The following ACTB variants were observed in gnomAD, a reference collection of about 807,000 sequenced individuals.
ACTB encodes the protein actin beta.
ACTB carries 2 observed loss-of-function variants against 30.5 expected under a neutral mutation model. The ratio of observed to expected loss-of-function variants is 0.07; its 90% CI spans 0.03 to 0.21. The LOEUF (loss-of-function observed/expected upper bound fraction) is 0.21. Among genes scored for constraint, ACTB ranks in the 10% least tolerant of loss-of-function variants. ACTB has a pLI of 1.00. For missense variants in ACTB, 56 were observed against 530.0 expected, an observed-to-expected ratio of 0.11 and a Z score of 8.78; for synonymous variants, 335 against 217.6, an observed-to-expected ratio of 1.54 and a Z score of -4.75.
chr7:5,528,790 G>A (rs1784818811), intron 3 of ACTB, 71 bp from the exon 4 acceptor site: 6 of 1,553,812 alleles, frequency 3.9e-6, no homozygotes, highest in Middle Eastern at 1.7e-4. Flanking sequence ...CGGGGGACAT[G>A]CAGAAAGTGC....
At position 5,528,495 on chromosome 7, in the gene ACTB, G is replaced by A. The variant is rs1184848861; in HGVS notation, c.588C>T (p.Arg196=). 3.8e-5 allele frequency: 62 copies of A among 1,614,092 alleles called. No individual in the cohort carries two copies. The East Asian group carries it at 1.2e-3, about 31-fold the overall frequency. ...CGGCCGTGGTGGTGAAGCTGTAGCC[G>A]CGCTCGGTGAGGATCTTCATGAGGT... The part of the protein sequence containing the change: ...TDYLMKILTE[R]GYSFTTTAER... The change falls in exon 4 of 6, where the codon CGC becomes CGT. Residue 196 remains arginine (R), a synonymous_variant. Coordinates refer to ENST00000646664, the MANE Select transcript of ACTB (RefSeq NM_001101.5).
At position 5,527,373 on chromosome 7, in the gene ACTB, G is replaced by A. The variant is rs1166080296; in HGVS notation, c.*375C>T. The A allele has an allele frequency of 4.1e-5, 12 of 295,512 alleles. No individual in the cohort carries two copies. Among genetic ancestry groups the A allele is most frequent in the African/African-American group, 8.9e-5 (4 of 44,980 alleles). The allele number at this position is 295,512 out of a possible 1,614,324, so 18.3% of individuals were successfully genotyped here. ...AAATTTTGCATTACATAATTTACAC[G>A]AAAGCAATGCTATCACCTCCCCTGT... On this transcript the variant is annotated 3_prime_UTR_variant, in exon 6 of 6. Transcript: ENST00000646664.
intron 3 of ACTB, 186 bp downstream of exon 3, chr7:5,528,973 GAC>G (rs1562719494): frequency 1.3e-6 from 2 of 1,569,304 alleles, no homozygotes. Context: ...TAGTCAGAGA[GAC>G]AAACACCAGA....
At position 5,527,891 on chromosome 7, in the gene ACTB, T is replaced by C; in HGVS notation, c.985A>G (p.Ile329Val). 6.2e-7 allele frequency: 1 copy of C among 1,613,876 alleles called. No homozygotes were observed. Among genetic ancestry groups the C allele is most frequent in the Non-Finnish European group, 8.5e-7 (1 of 1,179,884 alleles). The change falls in exon 6 of 6, where the codon ATC (isoleucine) becomes GTC (valine). Residue 329 changes from isoleucine to valine, a missense_variant and splice_region_variant. Transcript: ENST00000646664. The stretch of plus-strand genomic sequence containing the variant: ...TACTTGCGCTCAGGAGGAGCAATGA[T>C]CTGAGGAGGGAAGGGGACAGGCAGT... The part of the protein sequence containing the change: ...ALAPSTMKIK[I>V]IAPPERKYSV...
At position 5,527,583 on chromosome 7, in the gene ACTB, G is replaced by A. The variant is rs1296196209; in HGVS notation, c.*165C>T. ...GGGATGCTCGCTCCAACCGACTGCTGTCACCTTCACCGTTCCAGTTTTTAA... is the reference window on the plus strand; with the variant it reads ...GGGATGCTCGCTCCAACCGACTGCTATCACCTTCACCGTTCCAGTTTTTAA... On this transcript the variant is annotated 3_prime_UTR_variant, in exon 6 of 6. Coordinates refer to ENST00000646664, the MANE Select transcript of ACTB (RefSeq NM_001101.5). The A allele has an allele frequency of 9.5e-6, 11 of 1,155,066 alleles. No individual in the cohort carries two copies. Among genetic ancestry groups the A allele is most frequent in the South Asian group, 7.3e-5 (5 of 68,960 alleles). 71.6% of individuals were successfully genotyped at this position (1,155,066 alleles called of 1,614,324 possible). A position where few individuals can be genotyped will look rare whatever the true frequency, so the allele number is the denominator to read the frequency against.
In ACTB at chr7:5,527,595, G is replaced by C; in HGVS notation, c.*153C>G. 1.6e-6 allele frequency: 2 copies of C among 1,262,950 alleles called. No individual in the cohort carries two copies. The highest frequency in any genetic ancestry group is 2.2e-6 in the Non-Finnish European group (2 of 911,718). 78.2% of individuals were successfully genotyped at this position (1,262,950 alleles called of 1,614,324 possible). A position where few individuals can be genotyped will look rare whatever the true frequency, so the allele number is the denominator to read the frequency against. On this transcript the variant is annotated 3_prime_UTR_variant, in exon 6 of 6. Coordinates refer to ENST00000646664, the MANE Select transcript of ACTB (RefSeq NM_001101.5). ...CCAACCGACTGCTGTCACCTTCACC[G>C]TTCCAGTTTTTAAATCCTGAGTCAA...
At position 5,529,402 on chromosome 7, in the gene ACTB, TG is replaced by T; in HGVS notation, c.124-3del. The T allele has an allele frequency of 6.2e-7, 1 of 1,613,862 alleles. No individual in the cohort carries two copies. The highest frequency in any genetic ancestry group is 2.2e-5 in the East Asian group (1 of 44,854). ...CTGACCCATGCCCACCATCACGCCC[TG>T]GGAAGGAAAGGACAAGAAGCCCTGA... On this transcript the variant is annotated splice_polypyrimidine_tract_variant and splice_region_variant and intron_variant, in intron 2 of 5. Coordinates refer to ENST00000646664, the MANE Select transcript of ACTB (RefSeq NM_001101.5).
At chr7:5,529,112 G>A (rs1486115810) in intron 3 of ACTB, 49 bp downstream of exon 3, 10 of 1,613,490 alleles carry the variant, frequency 6.2e-6, no homozygotes, top group Admixed American at 5.0e-5. Context: ...AGCTCCGGGA[G>A]GCCAGGAAGG....
At position 5,527,723 on chromosome 7, in the gene ACTB, G is replaced by A. The variant is rs528042634; in HGVS notation, c.*25C>T. 1.9e-6 allele frequency: 3 copies of A among 1,612,924 alleles called. No homozygotes were observed. The African/African-American group carries it at 4.0e-5, about 22-fold the overall frequency. On this transcript the variant is annotated 3_prime_UTR_variant, in exon 6 of 6. Transcript: ENST00000646664. ...AAGTTAGGTTTTGTCAAGAAAGGGT[G>A]TAACGCAACTAAGTCATAGTCCGCC...
chr7:5,529,042 A>C, intron 3 of ACTB, 119 bp downstream of exon 3: 1 of 1,612,784 alleles, frequency 6.2e-7, no homozygotes, highest in Non-Finnish European at 8.5e-7. Context: ...AAGGAGACTC[A>C]GGTCAGAGAA....
rs1403250934 is a variant in ACTB, at chr7:5,528,354, A to G, written c.729T>C (p.Pro243=). The G allele has an allele frequency of 1.9e-6, 3 of 1,614,172 alleles. No individual in the cohort carries two copies. The highest frequency in any genetic ancestry group is 1.7e-6 in the Non-Finnish European group (2 of 1,180,044). Residue 243 remains proline (P), a synonymous_variant, in exon 4 of 6, where the codon CCT becomes CCC. Transcript: ENST00000646664. ...SSSLEKSYEL[P]DGQVITIGNE... ...TGCCAATGGTGATGACCTGGCCGTC[A>G]GGCAGCTCGTAGCTCTTCTCCAGGG...
In ACTB at chr7:5,527,263, G is replaced by A; in HGVS notation, c.*485C>T. ...AAAGCCTTCATACATCTCAAGTTGG[G>A]GGACAAAAAAGGGGGAAGGGGGGGC... On this transcript the variant is annotated 3_prime_UTR_variant, in exon 6 of 6. Transcript: ENST00000646664. 2 of 242,032 alleles carry A rather than the reference G, an allele frequency of 8.3e-6. No homozygotes were observed. Among genetic ancestry groups the A allele is most frequent in the Non-Finnish European group, 8.2e-6 (1 of 122,042 alleles). 15.0% of individuals were successfully genotyped at this position (242,032 alleles called of 1,614,324 possible).
rs757404770 is a variant in ACTB, at chr7:5,527,991, G to A, written c.984+13C>T. ...GACCTGCCCAGGTCAGCTCAGGCAG[G>A]AAAGACACCCACCTTGATCTTCATT... On this transcript the variant is annotated intron_variant, in intron 5 of 5. Transcript: ENST00000646664. 7 of 1,613,122 alleles carry A rather than the reference G, an allele frequency of 4.3e-6. No individual in the cohort carries two copies. Among genetic ancestry groups the A allele is most frequent in the African/African-American group, 4.0e-5 (3 of 74,922 alleles).
intron 1 of ACTB, chr7:5,529,900 G>T (rs1404744802): frequency 9.7e-6 from 6 of 618,366 alleles, no homozygotes; most frequent in Non-Finnish European, 1.7e-5. Flanking sequence ...CCCCGCCTCC[G>T]CCCGGTTCAA....
chr7:5,528,850 G>A (rs944543953), intron 3 of ACTB, 131 bp from the exon 4 acceptor site: 7 of 1,409,190 alleles, frequency 5.0e-6, no homozygotes, highest in African/African-American at 2.8e-5. Flanking sequence ...AGTCTGTTCA[G>A]ACCTACTGTG....
intron 3 of ACTB, 164 bp downstream of exon 3, chr7:5,528,997 T>A: frequency 6.3e-7 from 1 of 1,599,222 alleles, no homozygotes; most frequent in Non-Finnish European, 8.5e-7. Context: ...AAAGAGCTCA[T>A]CTGGGAAAAA....
chr7:5,527,651 C>G lies in ACTB; in HGVS notation c.*97G>C. 7.5e-7 allele frequency: 1 copy of G among 1,326,588 alleles called. No homozygotes were observed. Among genetic ancestry groups the G allele is most frequent in the Non-Finnish European group, 1.0e-6 (1 of 967,154 alleles). 82.2% of individuals were successfully genotyped at this position (1,326,588 alleles called of 1,614,324 possible). On this transcript the variant is annotated 3_prime_UTR_variant, in exon 6 of 6. Coordinates refer to ENST00000646664, the MANE Select transcript of ACTB (RefSeq NM_001101.5). The stretch of plus-strand genomic sequence containing the variant: ...AAAAAAAAAAAAAACCAAAACAAAA[C>G]AAAAAAAACAAATAAAGCCATGCCA...
rs762161193 is a variant in ACTB at position 5,528,201 on chromosome 7, G to A, written c.803-16C>T. On this transcript the variant is annotated splice_polypyrimidine_tract_variant and intron_variant, in intron 4 of 5. Transcript: ENST00000646664. ...GACTCCATGCCTGAGAGGGAAATGA[G>A]GGCAGGACTTAGCTTCCACAGCACA... is the stretch of plus-strand genomic sequence containing the variant. 3 of 1,613,766 alleles carry A rather than the reference G, an allele frequency of 1.9e-6. No homozygotes were observed. The highest frequency in any genetic ancestry group is 2.7e-5 in the African/African-American group (2 of 74,932).
intron 1 of ACTB, 52 bp downstream of exon 1, chr7:5,530,472 C>A (rs1318262412): frequency 3.1e-5 from 2 of 64,062 alleles, no homozygotes; most frequent in Non-Finnish European, 6.8e-5. Flanking sequence ...GGGCCGCGGC[C>A]GCCTGCGGCC....
Sources: allele counts gnomAD v4.1 joint callset, GRCh38; gene constraint gnomAD v4.1.1; transcripts MANE v1.5; gene names NCBI Gene and HGNC (gene_info 2026-07-23, HGNC 2026-07-21).